Variants in TTC39B observed in about 807,000 individuals in gnomAD.
The protein encoded by TTC39B is tetratricopeptide repeat domain 39B.
TTC39B carries 92 observed loss-of-function variants against 96.6 expected under a neutral mutation model. The observed-to-expected ratio is 0.95, with a 90% CI of 0.80 to 1.13. The LOEUF is 1.13. TTC39B is among the 50% of genes most tolerant of loss of function. The pLI is 0.00. For missense variants in TTC39B, 955 were observed against 809.3 expected (o/e 1.18, Z -2.18); for synonymous variants, 367 against 299.4 (o/e 1.23, Z -2.33).
Position 15,306,365 on chromosome 9 carries a change from T to C in TTC39B, c.240+719A>G, listed in dbSNP as rs78005533. 6.6e-6 allele frequency among the ~76,000 whole-genome samples: 1 copy of C among 152,148 alleles called. No homozygotes were observed. The highest frequency in any genetic ancestry group is 6.5e-5 in the Admixed American group (1 of 15,290). ...GCGCCACGACTGAAGGAGTGGCTAATTACTCAAACACAGTTGAAACCAAAG... is the reference window on the plus strand; with the variant it reads ...GCGCCACGACTGAAGGAGTGGCTAACTACTCAAACACAGTTGAAACCAAAG... On this transcript the variant is annotated intron_variant, in intron 1 of 19. Transcript: ENST00000512701. This position sits in a 1 kb window ranked among gnomAD's most constrained non-coding sequence, Gnocchi z 5.1.
At chr9:15,263,506 C>T (rs1035316240) in intron 2 of TTC39B, among the ~76,000 whole-genome samples, 1 of 152,128 alleles carries the variant, frequency 6.6e-6, no homozygotes, top group East Asian at 1.9e-4. Flanking sequence ...GAAACCACAC[C>T]GCTGTGCTTT....
chr9:15,227,237 G>C (rs1821172232), intron 2 of TTC39B, among the ~76,000 whole-genome samples: 1 of 151,940 alleles, frequency 6.6e-6, no homozygotes, highest in Admixed American at 6.5e-5. Flanking sequence ...GAACCCAGGA[G>C]GCGGAGGTTG....
chr9:15,199,103 G>A (rs1257018280), intron 8 of TTC39B, among the ~76,000 whole-genome samples: 1 of 152,152 alleles, frequency 6.6e-6, no homozygotes, highest in Admixed American at 6.5e-5. Context: ...TTCAAACTTA[G>A]AGCCTTTAAC....
At chr9:15,209,124 G>A (rs1344841948) in intron 6 of TTC39B, among the ~76,000 whole-genome samples, 1 of 152,110 alleles carries the variant, frequency 6.6e-6, no homozygotes, top group Non-Finnish European at 1.5e-5. Flanking sequence ...CTCCTGGGAT[G>A]GCAAAAGCTT....
chr9:15,171,637 A>C (rs1277916158), exon 20 of TTC39B: 5 of 153,278 alleles, frequency 3.3e-5, no homozygotes, highest in African/African-American at 1.2e-4. Flanking sequence ...AAGTTTAACT[A>C]CCCAACAAAT....
chr9:15,232,835 C>T (rs1821502194), intron 2 of TTC39B, among the ~76,000 whole-genome samples: 1 of 152,206 alleles, frequency 6.6e-6, no homozygotes, highest in African/African-American at 2.4e-5. Flanking sequence ...GGAGAGGCCG[C>T]CTAACGTTCT....
At chr9:15,235,452 A>T (rs572297841) in intron 2 of TTC39B, among the ~76,000 whole-genome samples, 2 of 152,324 alleles carry the variant, frequency 1.3e-5, no homozygotes, top group South Asian at 4.1e-4. Flanking sequence ...CAGATACAAG[A>T]CATTCAGAGA....
intron 6 of TTC39B, among the ~76,000 whole-genome samples, chr9:15,205,522 A>G (rs1166403679): frequency 2.0e-5 from 3 of 152,222 alleles, no homozygotes; most frequent in African/African-American, 7.2e-5. Flanking sequence ...GTACACAGAA[A>G]GATGGGGCCA....
intron 2 of TTC39B, among the ~76,000 whole-genome samples, chr9:15,259,840 A>T (rs1182122841): frequency 6.6e-6 from 1 of 152,220 alleles, no homozygotes; most frequent in Non-Finnish European, 1.5e-5. Flanking sequence ...AATACATATT[A>T]GATTATTCCA....
At chr9:15,305,181 C>G (rs1231773621) in intron 1 of TTC39B, among the ~76,000 whole-genome samples, 1 of 152,148 alleles carries the variant, frequency 6.6e-6, no homozygotes, top group Non-Finnish European at 1.5e-5. Context: ...TCAAGGGTAT[C>G]CAGTCTACAA....
chr9:15,207,192 A>G (rs1459329822), intron 6 of TTC39B, among the ~76,000 whole-genome samples: 3 of 152,168 alleles, frequency 2.0e-5, no homozygotes, highest in Non-Finnish European at 4.4e-5. Context: ...AGTTCTTTAG[A>G]GTAGTGTGAA....
At chr9:15,269,392 C>A (rs1823251368) in intron 1 of TTC39B, among the ~76,000 whole-genome samples, 1 of 152,102 alleles carries the variant, frequency 6.6e-6, no homozygotes, top group African/African-American at 2.4e-5. Flanking sequence ...ATGAATGGAA[C>A]CTGGACCGCC....
intron 4 of TTC39B, among the ~76,000 whole-genome samples, chr9:15,213,599 C>T (rs187278763): frequency 3.2e-4 from 49 of 152,266 alleles, no homozygotes; most frequent in Non-Finnish European, 6.3e-4. Context: ...GCACAATGTA[C>T]GATTATTCTT....
intron 2 of TTC39B, among the ~76,000 whole-genome samples, chr9:15,233,479 C>A (rs1031273890): frequency 2.0e-5 from 3 of 151,548 alleles, no homozygotes; most frequent in Non-Finnish European, 3.0e-5. Context: ...CCTCAGCCTG[C>A]CCAGTGCCTG....
chr9:15,210,200 G>T, intron 5 of TTC39B, 36 bp from the exon 6 acceptor site: 1 of 1,301,554 alleles, frequency 7.7e-7, no homozygotes, highest in South Asian at 1.4e-5. Flanking sequence ...ATAGAAAATA[G>T]AAAAAAAAAA....
chr9:15,307,104 C>T (rs1226717026), exon 1 of TTC39B: 1 of 1,610,678 alleles, frequency 6.2e-7, no homozygotes. Context: ...TCCAGCTCCG[C>T]TCGGCTGCCT....
Position 15,171,980 on chromosome 9 carries a change from G to A in TTC39B, c.*39C>T, listed in dbSNP as rs374874462. 2.6e-5 allele frequency: 38 copies of A among 1,461,332 alleles called. 1 individual carries two copies. Among genetic ancestry groups the A allele is most frequent in the Middle Eastern group, 1.7e-4 (1 of 5,780 alleles). 90.5% of individuals were successfully genotyped at this position (1,461,332 alleles called of 1,614,324 possible). On this transcript the variant is annotated 3_prime_UTR_variant, in exon 20 of 20. Coordinates refer to ENST00000512701, the Ensembl canonical transcript of TTC39B. ...TAAGGTTGAATCTATAGCAGATGCCGATGCTAATTGAGGAAAAATTCCATC... is the reference window on the plus strand; with the variant it reads ...TAAGGTTGAATCTATAGCAGATGCCAATGCTAATTGAGGAAAAATTCCATC...
chr9:15,235,162 G>A (rs1821719789), intron 2 of TTC39B, among the ~76,000 whole-genome samples: 1 of 152,038 alleles, frequency 6.6e-6, no homozygotes, highest in Non-Finnish European at 1.5e-5. Context: ...GCAGAAGAAA[G>A]TATTTCAGAG....
intron 5 of TTC39B, 49 bp from the exon 6 acceptor site, chr9:15,210,213 AG>A (rs759192845): frequency 2.4e-6 from 3 of 1,271,864 alleles, no homozygotes; most frequent in Non-Finnish European, 3.3e-6. Context: ...AAAAAAAATC[AG>A]GCTGAGCTCA....
Sources: gnomAD v4.1 joint callset for allele counts (sites outside exome capture counted in the v4.1 genomes callset) on GRCh38, gnomAD v4.1.1 for gene constraint, Gnocchi (gnomAD v3.1) non-coding constraint, MANE v1.5 for transcripts, NCBI Gene and HGNC (gene_info 2026-07-23, HGNC 2026-07-21) for gene names.